Variants in RALYL observed in about 807,000 individuals in gnomAD.
RALYL encodes the protein RALY RNA binding protein like, also known as RNA-binding Raly-like protein.
Under a neutral mutation model 35.1 loss-of-function variants are expected in RALYL, and 29 were observed. The observed-to-expected ratio is 0.83, with a 90% CI of 0.61 to 1.13. The LOEUF (loss-of-function observed/expected upper bound fraction) is 1.13, where lower values mean the gene tolerates loss of function less well. Ranked by LOEUF, RALYL falls within the 50% of genes most tolerant of loss-of-function variation. The pLI, the probability that RALYL is intolerant of heterozygous loss-of-function variation, is 0.00. For missense variants in RALYL, 359 were observed against 360.4 expected, an observed-to-expected ratio of 1.00 and a Z score of 0.03; for synonymous variants, 120 against 127.6, an observed-to-expected ratio of 0.94 and a Z score of 0.40.
At chr8:84,532,690 A>C (rs2059351281) in intron 2 of RALYL, among the ~76,000 whole-genome samples, 2 of 152,026 alleles carry the variant, frequency 1.3e-5, no homozygotes, top group Non-Finnish European at 2.9e-5. Context: ...CAAATAATGC[A>C]TATTTGTACA....
chr8:84,619,319 G>C (rs573713315), intron 2 of RALYL, among the ~76,000 whole-genome samples: 1,622 of 151,616 alleles, frequency 0.011, 64 homozygotes, highest in African/African-American at 0.038. Flanking sequence ...AGCTCTTCTT[G>C]TTGAATTGAT....
At chr8:84,566,039 A>G (rs796518295) in intron 2 of RALYL, among the ~76,000 whole-genome samples, 3 of 144,274 alleles carry the variant, frequency 2.1e-5, no homozygotes, top group South Asian at 4.3e-4. Context: ...GCAAAAGTTC[A>G]GTCATTTGGC....
chr8:84,221,102 A>G (rs966291517), intron 1 of RALYL, among the ~76,000 whole-genome samples: 1 of 152,044 alleles, frequency 6.6e-6, no homozygotes, highest in Non-Finnish European at 1.5e-5. Context: ...CTCAAAGTAA[A>G]TAGGCTTTGA....
chr8:84,281,728 T>C (rs566980588), intron 1 of RALYL, among the ~76,000 whole-genome samples: 2 of 146,524 alleles, frequency 1.4e-5, no homozygotes, highest in South Asian at 4.4e-4. Context: ...CACGCATGTA[T>C]ATATGTAATC....
chr8:84,358,716 G>A (rs1852355821), intron 1 of RALYL, among the ~76,000 whole-genome samples: 1 of 152,048 alleles, frequency 6.6e-6, no homozygotes, highest in Non-Finnish European at 1.5e-5. Context: ...GTGAAACTGT[G>A]TTAATGAGGA....
intron 1 of RALYL, among the ~76,000 whole-genome samples, chr8:84,314,259 A>G (rs73306929): frequency 0.02 from 3,082 of 152,150 alleles, 112 homozygotes; most frequent in African/African-American, 0.07. Flanking sequence ...ACACGTAGGG[A>G]TTATAATTTG....
chr8:84,285,023 G>A (rs933252554), intron 1 of RALYL, among the ~76,000 whole-genome samples: 1 of 152,180 alleles, frequency 6.6e-6, no homozygotes, highest in African/African-American at 2.4e-5. Flanking sequence ...GAGTTGAAGA[G>A]AGGACAAGAA....
intron 2 of RALYL, among the ~76,000 whole-genome samples, chr8:84,552,666 G>T (rs1274709373): frequency 6.6e-6 from 1 of 150,934 alleles, no homozygotes; most frequent in South Asian, 2.1e-4. Flanking sequence ...ATCTAACCTG[G>T]TACTCTGATT....
At chr8:84,188,501 T>C (rs1379647561) in intron 1 of RALYL, among the ~76,000 whole-genome samples, 1 of 152,256 alleles carries the variant, frequency 6.6e-6, no homozygotes, top group East Asian at 1.9e-4. Context: ...ATAATTCAGT[T>C]TGATTCTTTG....
At chr8:84,195,680 T>A (rs1278322991) in intron 1 of RALYL, among the ~76,000 whole-genome samples, 2 of 152,166 alleles carry the variant, frequency 1.3e-5, no homozygotes, top group East Asian at 3.8e-4. Context: ...GTTGGGAGAT[T>A]ATGTATTACT....
intron 2 of RALYL, among the ~76,000 whole-genome samples, chr8:84,570,282 T>G (rs978737107): frequency 6.6e-6 from 1 of 151,876 alleles, no homozygotes; most frequent in Non-Finnish European, 1.5e-5. Flanking sequence ...TTAGTTCTCC[T>G]TGTATGAATC....
At position 84,697,369 on chromosome 8, in the gene RALYL, G is replaced by A. The variant is rs1296688560; in HGVS notation, c.257-77210G>A. ...AACATTTTCAAAATTGTTTGGTTATGTGTGTGTATGGGCACCTAATTTTCT... is the reference window on the plus strand; with the variant it reads ...AACATTTTCAAAATTGTTTGGTTATATGTGTGTATGGGCACCTAATTTTCT... On this transcript the variant is annotated intron_variant, in intron 2 of 8. Transcript: ENST00000521268. Among the ~76,000 whole-genome samples the A allele has an allele frequency of 3.3e-5, 5 of 152,018 alleles. No homozygotes were observed. In the East Asian group the frequency reaches 9.7e-4, roughly 29 times the overall value.
chr8:84,542,107 A>G (rs1451101813), intron 2 of RALYL, among the ~76,000 whole-genome samples: 1 of 151,922 alleles, frequency 6.6e-6, no homozygotes, highest in Non-Finnish European at 1.5e-5. Context: ...CTGCATGTTC[A>G]TTTGTGGCCA....
chr8:84,462,377 C>T lies in RALYL; in HGVS notation c.-23-66922C>T, dbSNP rs112125446. Among the ~76,000 whole-genome samples, 115 of 151,034 alleles carry T rather than the reference C, an allele frequency of 7.6e-4. 1 individual carries two copies. In the Middle Eastern group the frequency reaches 0.01, roughly 13 times the overall value. ...ATGTCTTTTGCAAATGTTTTCGTTT[C>T]TTCCTAATCTGACTTGTTCCGTCCT... On this transcript the variant is annotated intron_variant, in intron 1 of 8. Transcript: ENST00000521268.
intron 1 of RALYL, among the ~76,000 whole-genome samples, chr8:84,260,150 T>C (rs1460264114): frequency 6.6e-6 from 1 of 152,136 alleles, no homozygotes; most frequent in Admixed American, 6.6e-5. Context: ...TTTCTGATAC[T>C]TTTTTCTGTA....
intron 5 of RALYL, among the ~76,000 whole-genome samples, chr8:84,857,036 G>GAAAAAAA (rs36119108): frequency 4.4e-5 from 4 of 91,824 alleles, no homozygotes; most frequent in Non-Finnish European, 6.0e-5. Flanking sequence ...CTCCGTCTCA[G>GAAAAAAA]AAAAAAAAAA....
intron 2 of RALYL, among the ~76,000 whole-genome samples, chr8:84,751,298 C>T (rs927168589): frequency 6.6e-6 from 1 of 152,108 alleles, no homozygotes; most frequent in African/African-American, 2.4e-5. Flanking sequence ...ACCTCCGCCT[C>T]CCAGGTTCAA....
At chr8:84,317,588 C>T (rs1586228822) in intron 1 of RALYL, among the ~76,000 whole-genome samples, 1 of 152,186 alleles carries the variant, frequency 6.6e-6, no homozygotes, top group East Asian at 1.9e-4. Context: ...AAGCAATAAC[C>T]AACAGAGGGA....
chr8:84,516,919 G>A (rs780658968), intron 1 of RALYL, among the ~76,000 whole-genome samples: 13 of 152,236 alleles, frequency 8.5e-5, no homozygotes, highest in African/African-American at 2.2e-4. Flanking sequence ...TCTCATCAGC[G>A]TTGAAGTTAA....
Sources: gnomAD v4.1 joint callset for allele counts (sites outside exome capture counted in the v4.1 genomes callset) on GRCh38, gnomAD v4.1.1 for gene constraint, MANE v1.5 for transcripts, NCBI Gene and HGNC (gene_info 2026-07-23, HGNC 2026-07-21) for gene names.